Variants in RNF19A observed in about 807,000 individuals in gnomAD.
RNF19A encodes the protein ring finger protein 19A, RBR E3 ubiquitin protein ligase, also known as E3 ubiquitin-protein ligase RNF19A.
RNF19A carries 32 observed loss-of-function variants against 75.7 expected under a neutral mutation model. The ratio of observed to expected loss-of-function variants is 0.42; its 90% CI spans 0.32 to 0.57. The LOEUF is 0.57. RNF19A is among the 20% of genes least tolerant of loss of function. The probability of loss-of-function intolerance (pLI) is 0.10; values close to 1 mark genes in which losing one functional copy is unlikely to be tolerated. For synonymous variants in RNF19A, 335 were observed against 345.2 expected (o/e 0.97, Z 0.33); for missense variants, 782 against 1,036.3 (o/e 0.75, Z 3.37).
intron 1 of RNF19A, chr8:100,300,761 A>T (rs1431601162): frequency 3.9e-5 from 6 of 152,276 alleles, no homozygotes; most frequent in African/African-American, 1.4e-4. Context: ...TCAGATATTT[A>T]ACTAGTCAAC....
chr8:100,335,320 T>C lies in RNF19A; in HGVS notation c.-243+788A>G, dbSNP rs150006575. Among the ~76,000 whole-genome samples, 176 of 152,354 alleles carry C rather than the reference T, an allele frequency of 1.2e-3. 1 individual carries two copies. The East Asian group carries it at 0.033, about 28-fold the overall frequency. ...TTTAAAGTGGCAGCCCTGTGAAAGA[T>C]GTACTATTATTATCCTCATTTTATC... On this transcript the variant is annotated intron_variant, in intron 1 of 3. Transcript: ENST00000519527.
chr8:100,335,578 T>C (rs1180654325), intron 1 of RNF19A, among the ~76,000 whole-genome samples: 2 of 152,236 alleles, frequency 1.3e-5, no homozygotes, highest in African/African-American at 4.8e-5. Flanking sequence ...TACTCCAAAG[T>C]CTACTGTACA....
chr8:100,313,328 G>C (rs1180545681), upstream of RNF19A: 8 of 984,256 alleles, frequency 8.1e-6, no homozygotes, highest in Non-Finnish European at 8.4e-6. Flanking sequence ...AACTTAGTTT[G>C]GTCTCTCAAA....
intron 3 of RNF19A, among the ~76,000 whole-genome samples, chr8:100,274,058 T>TG (rs2129686335): frequency 6.6e-6 from 1 of 152,338 alleles, no homozygotes; most frequent in African/African-American, 2.4e-5. Flanking sequence ...GTGCTGGGAT[T>TG]ACAGGCATGA....
chr8:100,265,076 C>T (rs752243895), intron 5 of RNF19A, among the ~76,000 whole-genome samples: 6 of 152,076 alleles, frequency 3.9e-5, no homozygotes, highest in African/African-American at 1.4e-4. Context: ...AATTATGTAT[C>T]GAGCAAAGAG....
intron 1 of RNF19A, among the ~76,000 whole-genome samples, chr8:100,315,373 T>C (rs1182460475): frequency 3.3e-5 from 5 of 152,152 alleles, no homozygotes. Flanking sequence ...GCAAGAAGCT[T>C]GGCCTTATGT....
upstream of RNF19A, chr8:100,310,167 G>A: frequency 5.1e-6 from 5 of 984,638 alleles, no homozygotes; most frequent in Non-Finnish European, 6.0e-6. Context: ...GCCCCCGGCC[G>A]CCCCGCCCCA....
intron 5 of RNF19A, among the ~76,000 whole-genome samples, chr8:100,265,142 A>G (rs1819912568): frequency 6.6e-6 from 1 of 152,250 alleles, no homozygotes; most frequent in South Asian, 2.1e-4. Flanking sequence ...GTTCACCAAC[A>G]GGATACTTCC....
At chr8:100,266,985 A>T (rs1469595871) in intron 5 of RNF19A, among the ~76,000 whole-genome samples, 2 of 152,248 alleles carry the variant, frequency 1.3e-5, no homozygotes, top group African/African-American at 2.4e-5. Flanking sequence ...TTACAGAAGA[A>T]GATCAACCTT....
chr8:100,276,723 C>CAAAAAAAAAA (rs60419107), intron 2 of RNF19A, among the ~76,000 whole-genome samples: 4 of 80,588 alleles, frequency 5.0e-5, no homozygotes, highest in African/African-American at 8.0e-5. Flanking sequence ...ACCACTGTAC[C>CAAAAAAAAAA]AAAAAAAAAA....
intron 2 of RNF19A, among the ~76,000 whole-genome samples, chr8:100,279,509 G>A (rs1252183498): frequency 2.0e-5 from 3 of 151,878 alleles, no homozygotes; most frequent in Admixed American, 6.6e-5. Context: ...AAGTAACTGA[G>A]ATTACAAGCG....
At position 100,268,780 on chromosome 8, in the gene RNF19A, T is replaced by C; in HGVS notation, c.1191+5A>G. ...TAATGGACTAACAAGAAGTATGCAT[T>C]TTACCTTGCGGCCCACATACACAGG... On this transcript the variant is annotated splice_donor_5th_base_variant and intron_variant, in intron 5 of 9. Coordinates refer to ENST00000341084, the MANE Select transcript of RNF19A (RefSeq NM_183419.4). The C allele has an allele frequency of 6.5e-7, 1 of 1,543,316 alleles. No individual in the cohort carries two copies. The highest frequency in any genetic ancestry group is 1.2e-5 in the South Asian group (1 of 81,902).
chr8:100,265,557 C>A (rs1044517112), intron 5 of RNF19A, among the ~76,000 whole-genome samples: 1 of 152,152 alleles, frequency 6.6e-6, no homozygotes, highest in Non-Finnish European at 1.5e-5. Context: ...GCTAATATGG[C>A]ACATTTTCCC....
At chr8:100,320,838 C>T (rs986921395) in intron 1 of RNF19A, among the ~76,000 whole-genome samples, 6 of 152,028 alleles carry the variant, frequency 3.9e-5, no homozygotes, top group South Asian at 2.1e-4. Context: ...TGCAATAAAA[C>T]GAGACACACA....
intron 5 of RNF19A, among the ~76,000 whole-genome samples, chr8:100,266,614 A>T (rs1819992259): frequency 6.6e-6 from 1 of 152,098 alleles, no homozygotes; most frequent in Non-Finnish European, 1.5e-5. Context: ...GGGCTCAATC[A>T]ATCCTCCCAT....
At chr8:100,303,793 C>T (rs1278368475) in intron 1 of RNF19A, among the ~76,000 whole-genome samples, 5 of 146,620 alleles carry the variant, frequency 3.4e-5, no homozygotes, top group Non-Finnish European at 7.5e-5. Context: ...AAATGATTAG[C>T]TGGGTGTGGT....
In RNF19A at chr8:100,261,548, A is replaced by T. The variant is rs145877424; in HGVS notation, c.1676T>A (p.Phe559Tyr). ...ACCAAACCAAAACACACACCTGTTAAAACAGTTTACCATGGCACTTCCTGA... is the reference window on the plus strand; with the variant it reads ...ACCAAACCAAAACACACACCTGTTATAACAGTTTACCATGGCACTTCCTGA... ...SLSGSAMVNC[F>Y]NRLEVQADVQ... Residue 559 changes from phenylalanine to tyrosine, a missense_variant, in exon 8 of 10, where the codon TTT (phenylalanine) becomes TAT (tyrosine). Physicochemically the swap from Phe to Tyr is conservative, Grantham distance 22. Around this residue, in one of 7 missense-constraint regions of RNF19A, gnomAD observed 442 missense variants for 541.6 expected, o/e 0.82. Transcript: ENST00000341084. The surrounding 1 kb of genome is among the most constrained non-coding windows in gnomAD (Gnocchi z 4.4). The T allele has an allele frequency of 2.9e-5, 46 of 1,613,874 alleles. No homozygotes were observed. In the African/African-American group the frequency reaches 5.7e-4, roughly 20 times the overall value.
rs918171368 is a variant in RNF19A at position 100,284,382 on chromosome 8, C to T, written c.674+3119G>A. ...CCTACATCACCAAGTATGTGAAATA[C>T]GACCATAACAACTAACAGAGCAGTA... On this transcript the variant is annotated intron_variant, in intron 2 of 9. Coordinates refer to ENST00000341084, the MANE Select transcript of RNF19A (RefSeq NM_183419.4). This position sits in a 1 kb window ranked among gnomAD's most constrained non-coding sequence, Gnocchi z 4.3. Among the ~76,000 whole-genome samples, 8 of 152,004 alleles carry T rather than the reference C, an allele frequency of 5.3e-5. No homozygotes were observed. The highest frequency in any genetic ancestry group is 7.4e-5 in the Non-Finnish European group (5 of 67,956).
At chr8:100,308,269 T>A (rs1822138415) in intron 1 of RNF19A, among the ~76,000 whole-genome samples, 1 of 152,222 alleles carries the variant, frequency 6.6e-6, no homozygotes, top group South Asian at 2.1e-4. Context: ...AGTTAAATTT[T>A]ATACAGTAAT....
Sources: allele counts gnomAD v4.1 joint callset (sites outside exome capture counted in the v4.1 genomes callset), GRCh38; gene constraint gnomAD v4.1.1; regional missense constraint gnomAD v4.1.1; non-coding constraint Gnocchi (gnomAD v3.1); transcripts MANE v1.5; gene names NCBI Gene and HGNC (gene_info 2026-07-23, HGNC 2026-07-21).